The following MSR1 variants were observed in gnomAD, a reference collection of about 807,000 sequenced individuals.
MSR1 encodes the protein macrophage scavenger receptor types I and II.
Under a neutral mutation model 47.2 loss-of-function variants are expected in MSR1, and 53 were observed. That is an observed-to-expected ratio of 1.12 (90% CI 0.90 to 1.41). The LOEUF (loss-of-function observed/expected upper bound fraction) is 1.41, where lower values mean the gene tolerates loss of function less well. Among genes scored for constraint, MSR1 ranks in the 40% most tolerant of loss-of-function variants. The probability of loss-of-function intolerance (pLI) is 0.00; values close to 1 mark genes in which losing one functional copy is unlikely to be tolerated. For missense variants in MSR1, 786 were observed against 546.9 expected (o/e 1.44, Z -4.36); for synonymous variants, 239 against 185.6 (o/e 1.29, Z -2.34).
chr8:16,181,767 T>C (rs395902), intron 1 of MSR1, among the ~76,000 whole-genome samples: 33,286 of 151,648 alleles, frequency 0.22, 4,779 homozygotes, highest in East Asian at 0.53. Flanking sequence ...CCTGCACATT[T>C]TGCACATGTA....
At chr8:16,120,288 A>G (rs924020396) in intron 9 of MSR1, 130 bp downstream of exon 9, 1 of 912,226 alleles carries the variant, frequency 1.1e-6, no homozygotes, top group Admixed American at 2.0e-5. Context: ...AAGGGAGGAG[A>G]ATCGCTTGAA....
intron 8 of MSR1, chr8:16,140,966 T>C (rs1363621516): frequency 1.2e-6 from 2 of 1,613,744 alleles, no homozygotes; most frequent in Non-Finnish European, 8.5e-7. Flanking sequence ...TTTAATGAGA[T>C]GGTAGCAGAG....
At position 16,175,168 on chromosome 8, in the gene MSR1, A is replaced by C. The variant is rs1801605394; in HGVS notation, c.217+19T>G. On this transcript the variant is annotated intron_variant, in intron 3 of 9. Coordinates refer to ENST00000262101, the MANE Select transcript of MSR1 (RefSeq NM_138715.3). ...TCACGGGACGAGTTACTAAATTTCAAAACTCTGGGTTACGTTACCTGCCAC... is the reference window on the plus strand; with the variant it reads ...TCACGGGACGAGTTACTAAATTTCACAACTCTGGGTTACGTTACCTGCCAC... 6.2e-7 allele frequency: 1 copy of C among 1,604,948 alleles called. No individual in the cohort carries two copies. Among genetic ancestry groups the C allele is most frequent in the Non-Finnish European group, 8.5e-7 (1 of 1,171,684 alleles).
intron 1 of MSR1, among the ~76,000 whole-genome samples, chr8:16,178,797 C>T (rs989918535): frequency 3.3e-5 from 5 of 152,072 alleles, no homozygotes; most frequent in African/African-American, 1.2e-4. Context: ...GATCACCATT[C>T]TAACTGGTGT....
Position 16,120,636 on chromosome 8 carries a change from A to G in MSR1, c.1034-30T>C, listed in dbSNP as rs775545467. On this transcript the variant is annotated intron_variant, in intron 8 of 9. Coordinates refer to ENST00000262101, the MANE Select transcript of MSR1 (RefSeq NM_138715.3). The stretch of plus-strand genomic sequence containing the variant: ...AAAGTTAAAAAAAAAAAAAAAAAAA[A>G]AAAAAGGCAAGCAAGGACTAATTAT... 9.0e-6 allele frequency: 14 copies of G among 1,554,132 alleles called. No individual in the cohort carries two copies. In the South Asian group the frequency reaches 1.4e-4, roughly 16 times the overall value.
intron 1 of MSR1, among the ~76,000 whole-genome samples, chr8:16,192,133 A>G (rs2116961228): frequency 6.6e-6 from 1 of 152,276 alleles, no homozygotes; most frequent in Non-Finnish European, 1.5e-5. Flanking sequence ...AAGTGCATAT[A>G]GTAGATACCC....
At chr8:16,172,557 G>A (rs1350433452) in intron 3 of MSR1, among the ~76,000 whole-genome samples, 3 of 151,908 alleles carry the variant, frequency 2.0e-5, no homozygotes, top group Admixed American at 6.6e-5. Flanking sequence ...AACAACCTAC[G>A]GACAGGGTTA....
At chr8:16,186,637 C>CT (rs5889637) in intron 1 of MSR1, among the ~76,000 whole-genome samples, 18,225 of 143,648 alleles carry the variant, frequency 0.13, 1,310 homozygotes, top group Admixed American at 0.21. Context: ...CGTGACATTT[C>CT]TTTTTTTTTT....
chr8:16,150,575 T>C (rs1348953473), intron 6 of MSR1, among the ~76,000 whole-genome samples: 1 of 151,956 alleles, frequency 6.6e-6, no homozygotes, highest in Non-Finnish European at 1.5e-5. Context: ...GAAAAATAGA[T>C]CTTGGAGTTT....
intron 3 of MSR1, among the ~76,000 whole-genome samples, chr8:16,169,183 T>C (rs1225259518): frequency 3.3e-5 from 5 of 152,188 alleles, no homozygotes; most frequent in Non-Finnish European, 7.4e-5. Flanking sequence ...AAAAATTCTA[T>C]AGATTATGAA....
Position 16,149,185 on chromosome 8 carries a change from G to A in MSR1, c.979+1046C>T, listed in dbSNP as rs183695068. ...CCACTAATGTACATTATAGATTTTG[G>A]GTAATAATATGTCAGTGTTGGTTTA... On this transcript the variant is annotated intron_variant, in intron 7 of 9. Coordinates refer to ENST00000262101, the MANE Select transcript of MSR1 (RefSeq NM_138715.3). 2.0e-3 allele frequency among the ~76,000 whole-genome samples: 307 copies of A among 151,966 alleles called. 1 individual carries two copies. The highest frequency in any genetic ancestry group is 7.2e-3 in the African/African-American group (298 of 41,440).
intron 6 of MSR1, among the ~76,000 whole-genome samples, chr8:16,153,280 A>G (rs923036815): frequency 1.3e-5 from 2 of 152,056 alleles, no homozygotes; most frequent in Non-Finnish European, 2.9e-5. Context: ...ATATAAGGCA[A>G]TTAGACAATC....
At chr8:16,188,678 C>T (rs910736757) in intron 1 of MSR1, among the ~76,000 whole-genome samples, 1 of 151,936 alleles carries the variant, frequency 6.6e-6, no homozygotes, top group Non-Finnish European at 1.5e-5. Flanking sequence ...CACCTACTGA[C>T]AGGCCCCGGT....
chr8:16,141,104 C>G lies in MSR1; in HGVS notation c.1033+2454G>C, dbSNP rs1800545813. The G allele has an allele frequency of 3.8e-6, 6 of 1,594,926 alleles. No homozygotes were observed. The Admixed American group carries it at 6.8e-5, about 18-fold the overall frequency. ...TTTAACATATTTTCAGAAAGCCTTA[C>G]AAAATTTTAAAGATGCATATGAAAA... On this transcript the variant is annotated intron_variant, in intron 8 of 9. Transcript: ENST00000262101.
intron 1 of MSR1, 117 bp from the exon 2 acceptor site, chr8:16,178,109 T>TTA: frequency 1.3e-6 from 1 of 777,160 alleles, no homozygotes; most frequent in East Asian, 2.8e-5. Context: ...TTTTCTTTTT[T>TTA]TTTTTTAATT....
rs914744902 is a variant in MSR1 at position 16,139,363 on chromosome 8, C to A, written c.1033+4195G>T. The A allele has an allele frequency of 7.4e-6, 7 of 941,062 alleles. No individual in the cohort carries two copies. In the African/African-American group the frequency reaches 1.2e-4, roughly 17 times the overall value. The allele number at this position is 941,062 out of a possible 1,614,324, so 58.3% of individuals were successfully genotyped here. On this transcript the variant is annotated intron_variant, in intron 8 of 9. Transcript: ENST00000262101. ...TGATTTCACAGAGCATCTTCACACA[C>A]ACAATATCTTACTTGATCCTCACAA...
chr8:16,151,499 G>A (rs58520821), intron 6 of MSR1, among the ~76,000 whole-genome samples: 6,122 of 152,154 alleles, frequency 0.04, 438 homozygotes, highest in African/African-American at 0.14. Context: ...TCCCCAAAAT[G>A]TAAGCACAGC....
chr8:16,186,208 T>A, intron 1 of MSR1: 1 of 1,535,302 alleles, frequency 6.5e-7, no homozygotes, highest in Non-Finnish European at 8.7e-7. Flanking sequence ...AGATAGCACA[T>A]CCAGGGGAGT....
At chr8:16,143,451 T>A in intron 8 of MSR1, 107 bp downstream of exon 8, 1 of 909,144 alleles carries the variant, frequency 1.1e-6, no homozygotes. Flanking sequence ...AGAGTCTGTA[T>A]GGATCTGTGC....
Sources: gnomAD v4.1 joint callset for allele counts (sites outside exome capture counted in the v4.1 genomes callset) on GRCh38, gnomAD v4.1.1 for gene constraint, MANE v1.5 for transcripts, NCBI Gene and HGNC (gene_info 2026-07-23, HGNC 2026-07-21) for gene names.